CNTNAP2: variants seen among roughly 807,000 people sequenced by gnomAD.
CNTNAP2 encodes the protein contactin associated protein 2.
CNTNAP2 carries 98 observed loss-of-function variants against 155.2 expected under a neutral mutation model. That is an observed-to-expected ratio of 0.63 (90% CI 0.54 to 0.75). The LOEUF is 0.75. Ranked by LOEUF, CNTNAP2 falls within the 30% of genes least tolerant of loss-of-function variation. The probability of loss-of-function intolerance (pLI) is 0.00; values close to 1 mark genes in which losing one functional copy is unlikely to be tolerated. For synonymous variants in CNTNAP2, 651 were observed against 631.2 expected, an observed-to-expected ratio of 1.03 and a Z score of -0.47; for missense variants, 1,727 against 1,688.1, an observed-to-expected ratio of 1.02 and a Z score of -0.40.
intron 1 of CNTNAP2, among the ~76,000 whole-genome samples, chr7:146,401,858 C>T (rs1795719476): frequency 6.6e-6 from 1 of 152,064 alleles, no homozygotes; most frequent in African/African-American, 2.4e-5. Flanking sequence ...TTTATCACTG[C>T]CAAGTAACAT....
chr7:146,978,689 G>T (rs11975231), intron 3 of CNTNAP2, among the ~76,000 whole-genome samples: 4,169 of 151,092 alleles, frequency 0.028, 194 homozygotes, highest in African/African-American at 0.095. Flanking sequence ...TCCAAATTTA[G>T]ATAATAAGAT....
chr7:147,060,612 T>C (rs1347078051), intron 4 of CNTNAP2, among the ~76,000 whole-genome samples: 1 of 151,674 alleles, frequency 6.6e-6, no homozygotes, highest in African/African-American at 2.4e-5. Context: ...GCCTGTAATC[T>C]CAGCACTCTG....
intron 1 of CNTNAP2, among the ~76,000 whole-genome samples, chr7:146,345,366 G>T (rs1794803577): frequency 6.6e-6 from 1 of 152,126 alleles, no homozygotes; most frequent in African/African-American, 2.4e-5. Context: ...GGCATGTTAG[G>T]GTCCTTTGGG....
At chr7:146,989,333 G>A (rs2129238452) in intron 3 of CNTNAP2, among the ~76,000 whole-genome samples, 1 of 152,190 alleles carries the variant, frequency 6.6e-6, no homozygotes, top group Admixed American at 6.5e-5. Flanking sequence ...GCCTGTGTTG[G>A]GGTGATGGGA....
chr7:148,222,698 T>A (rs774624213), intron 19 of CNTNAP2, among the ~76,000 whole-genome samples: 3 of 152,176 alleles, frequency 2.0e-5, no homozygotes, highest in Non-Finnish European at 4.4e-5. Flanking sequence ...ATTCACACCA[T>A]AGCATAGGGA....
intron 2 of CNTNAP2, among the ~76,000 whole-genome samples, chr7:146,833,031 G>A (rs1407585689): frequency 1.3e-5 from 2 of 151,974 alleles, no homozygotes; most frequent in Non-Finnish European, 1.5e-5. Flanking sequence ...ATATATAATT[G>A]GTAGCCTTTC....
intron 1 of CNTNAP2, among the ~76,000 whole-genome samples, chr7:146,564,783 C>T (rs1041593712): frequency 1.3e-5 from 2 of 151,642 alleles, no homozygotes; most frequent in Non-Finnish European, 2.9e-5. Flanking sequence ...TTCTTTCCTT[C>T]TCATTTCTAA....
rs915002215 is a variant in CNTNAP2, at chr7:148,187,051, C to G, written c.3010+14573C>G. ...AGTCCTAAAAGTTCTGAAGAAGTTTCCCTTCTTTCTTTGCCGTTCTTTCTG... is the reference window on the plus strand; with the variant it reads ...AGTCCTAAAAGTTCTGAAGAAGTTTGCCTTCTTTCTTTGCCGTTCTTTCTG... On this transcript the variant is annotated intron_variant, in intron 18 of 23. Transcript: ENST00000361727. Among the ~76,000 whole-genome samples, 30 of 151,878 alleles carry G rather than the reference C, an allele frequency of 2.0e-4. 3 individuals carry two copies. The highest frequency in any genetic ancestry group is 1.3e-3 in the Admixed American group (20 of 15,240).
chr7:147,738,650 C>CTTTTTTTTTTTTTTTTTTT lies in CNTNAP2; in HGVS notation c.2098+99355_2098+99356insTTTTTTTTTTTTTTTTTTT, dbSNP rs111611444. On this transcript the variant is annotated intron_variant, in intron 13 of 23. Transcript: ENST00000361727. ...TAGACACAGTATAATGTAAACATAA[C>CTTTTTTTTTTTTTTTTTTT]TTTTTTTTTTTATTTTTTTTTTTAG... Among the ~76,000 whole-genome samples, 5 of 57,544 alleles carry CTTTTTTTTTTTTTTTTTTT rather than the reference C, an allele frequency of 8.7e-5. 1 individual carries two copies. The highest frequency in any genetic ancestry group is 1.4e-4 in the Non-Finnish European group (4 of 28,764). The allele number at this position is 57,544 out of a possible 152,430, so 37.8% of individuals were successfully genotyped here. A position where few individuals can be genotyped will look rare whatever the true frequency, so the allele number is the denominator to read the frequency against.
At chr7:146,766,804 A>G (rs1196402383) in intron 1 of CNTNAP2, among the ~76,000 whole-genome samples, 1 of 152,142 alleles carries the variant, frequency 6.6e-6, no homozygotes, top group African/African-American at 2.4e-5. Flanking sequence ...CAAGGTCCAA[A>G]TTGGAAGGAT....
At chr7:147,446,693 A>T (rs2116560160) in intron 10 of CNTNAP2, among the ~76,000 whole-genome samples, 1 of 152,366 alleles carries the variant, frequency 6.6e-6, no homozygotes, top group East Asian at 1.9e-4. Flanking sequence ...TACAGTGAGT[A>T]TTCAGTTAAA....
At chr7:147,275,415 TTGTGTG>T (rs140379075) in intron 8 of CNTNAP2, among the ~76,000 whole-genome samples, 23 of 148,532 alleles carry the variant, frequency 1.5e-4, no homozygotes, top group African/African-American at 4.9e-4. Context: ...TTGTGTATGT[TTGTGTG>T]TGTGTGTGTG....
At chr7:148,033,259 T>C (rs373837425) in intron 15 of CNTNAP2, among the ~76,000 whole-genome samples, 14 of 152,210 alleles carry the variant, frequency 9.2e-5, no homozygotes, top group East Asian at 1.9e-4. Flanking sequence ...TTCTTCGTAA[T>C]TTAGAAGATG....
At chr7:148,319,657 A>G (rs1011354016) in intron 21 of CNTNAP2, among the ~76,000 whole-genome samples, 10 of 151,822 alleles carry the variant, frequency 6.6e-5, no homozygotes, top group African/African-American at 2.4e-4. Flanking sequence ...CTAGATTCTC[A>G]TAGGAGCACA....
At chr7:147,641,371 T>G (rs55688811) in intron 13 of CNTNAP2, among the ~76,000 whole-genome samples, 8,354 of 152,174 alleles carry the variant, frequency 0.055, 291 homozygotes, top group Non-Finnish European at 0.074. Context: ...GGAAGGAAAG[T>G]AAATGCTGTG....
chr7:147,444,110 A>G (rs1797689358), intron 10 of CNTNAP2, among the ~76,000 whole-genome samples: 1 of 152,240 alleles, frequency 6.6e-6, no homozygotes, highest in Admixed American at 6.5e-5. Context: ...ATCTGTTTGA[A>G]GGTCCCTGGG....
At chr7:147,691,735 A>G (rs989347413) in intron 13 of CNTNAP2, among the ~76,000 whole-genome samples, 38 of 152,180 alleles carry the variant, frequency 2.5e-4, no homozygotes, top group African/African-American at 9.2e-4. Flanking sequence ...TTAGGTTTAC[A>G]GCAAAATTAA....
At chr7:146,247,830 A>C (rs911549432) in intron 1 of CNTNAP2, among the ~76,000 whole-genome samples, 17 of 152,276 alleles carry the variant, frequency 1.1e-4, no homozygotes, top group African/African-American at 3.8e-4. Context: ...TGGAGGGTGG[A>C]TGGTTGCCCA....
At chr7:148,196,402 G>T (rs1795279068) in intron 18 of CNTNAP2, among the ~76,000 whole-genome samples, 1 of 152,132 alleles carries the variant, frequency 6.6e-6, no homozygotes, top group African/African-American at 2.4e-5. Flanking sequence ...GGAACTGGGG[G>T]GATCTGGGTC....
Sources: gnomAD v4.1 joint callset for allele counts (sites outside exome capture counted in the v4.1 genomes callset) on GRCh38, gnomAD v4.1.1 for gene constraint, MANE v1.5 for transcripts, NCBI Gene and HGNC (gene_info 2026-07-23, HGNC 2026-07-21) for gene names.